RPF1: variants seen among roughly 807,000 people sequenced by gnomAD.
The protein encoded by RPF1 is ribosome production factor 1 homolog, also known as ribosome production factor 1.
A neutral mutation model predicts 41.9 loss-of-function variants in RPF1; 34 were observed. That is an observed-to-expected ratio of 0.81 (90% CI 0.62 to 1.08). RPF1 has a LOEUF of 1.08. Ranked by LOEUF, RPF1 falls within the 50% of genes least tolerant of loss-of-function variation. RPF1 has a pLI of 0.00. For missense variants in RPF1, 425 were observed against 435.2 expected, an observed-to-expected ratio of 0.98 and a Z score of 0.21; for synonymous variants, 140 against 148.9, an observed-to-expected ratio of 0.94 and a Z score of 0.43.
At chr1:84,485,165 C>A (rs1570346586) in intron 3 of RPF1, among the ~76,000 whole-genome samples, 1 of 152,258 alleles carries the variant, frequency 6.6e-6, no homozygotes, top group South Asian at 2.1e-4. Flanking sequence ...AGTGCAGTGG[C>A]ACAATCTCTG....
chr1:84,497,248 C>T (rs1375971529), intron 8 of RPF1, among the ~76,000 whole-genome samples, 181 bp from the exon 9 acceptor site: 2 of 151,594 alleles, frequency 1.3e-5, no homozygotes, highest in Admixed American at 6.6e-5. Flanking sequence ...CACACAGTAA[C>T]TGCCAACATC....
At chr1:84,483,244 T>G (rs1232770927) in intron 3 of RPF1, 1 of 445,918 alleles carries the variant, frequency 2.2e-6, no homozygotes, top group Non-Finnish European at 4.0e-6. Flanking sequence ...CTGAATGGTA[T>G]TTTGGAGGGT....
At chr1:84,492,990 A>G (rs989041919) in intron 5 of RPF1, among the ~76,000 whole-genome samples, 2 of 152,206 alleles carry the variant, frequency 1.3e-5, no homozygotes, top group African/African-American at 2.4e-5. Context: ...CATTACTGAA[A>G]TAGGCATGAT....
At chr1:84,496,447 G>C in intron 8 of RPF1, 77 bp downstream of exon 8, 1 of 1,282,604 alleles carries the variant, frequency 7.8e-7, no homozygotes, top group Non-Finnish European at 1.1e-6. Flanking sequence ...GAGAGCATCA[G>C]GAATAGCTAA....
intron 7 of RPF1, 69 bp from the exon 8 acceptor site, chr1:84,496,175 C>G (rs565891899): frequency 4.0e-6 from 6 of 1,505,696 alleles, no homozygotes; most frequent in African/African-American, 1.4e-5. Context: ...AATGAATTAT[C>G]TTTTGAACCC....
At chr1:84,493,330 A>G (rs1158117946) in intron 5 of RPF1, among the ~76,000 whole-genome samples, 1 of 130,006 alleles carries the variant, frequency 7.7e-6, no homozygotes, top group Non-Finnish European at 1.6e-5. Flanking sequence ...AGGCACTACT[A>G]TCAAAAAAAA....
chr1:84,487,850 C>T (rs1289412153), intron 3 of RPF1, among the ~76,000 whole-genome samples: 1 of 152,072 alleles, frequency 6.6e-6, no homozygotes, highest in Admixed American at 6.6e-5. Flanking sequence ...TGTACTCTTA[C>T]AATTCTGTGT....
chr1:84,482,321 C>A (rs1044207420), intron 2 of RPF1, among the ~76,000 whole-genome samples: 1 of 152,072 alleles, frequency 6.6e-6, no homozygotes, highest in Non-Finnish European at 1.5e-5. Context: ...AACAGTATTC[C>A]ATAATGTTGA....
chr1:84,493,559 C>T (rs1415311191), intron 5 of RPF1, among the ~76,000 whole-genome samples: 1 of 149,512 alleles, frequency 6.7e-6, no homozygotes, highest in Non-Finnish European at 1.5e-5. Context: ...CATTGCACTT[C>T]AGCCTGGGCT....
chr1:84,488,998 G>A (rs1445458925), intron 3 of RPF1, among the ~76,000 whole-genome samples: 1 of 151,720 alleles, frequency 6.6e-6, no homozygotes, highest in Non-Finnish European at 1.5e-5. Context: ...TATTCTCTTA[G>A]TCTTTTCTGA....
intron 5 of RPF1, among the ~76,000 whole-genome samples, chr1:84,492,761 C>T (rs1681858665): frequency 6.6e-6 from 1 of 152,176 alleles, no homozygotes; most frequent in South Asian, 2.1e-4. Flanking sequence ...ACACTCTTGG[C>T]AGCTTCCAAG....
chr1:84,488,811 T>G (rs1681780711), intron 3 of RPF1, among the ~76,000 whole-genome samples: 1 of 152,154 alleles, frequency 6.6e-6, no homozygotes, highest in Non-Finnish European at 1.5e-5. Context: ...GAGGTGATTA[T>G]GTGGCTTTTC....
chr1:84,485,253 C>T (rs1479036950), intron 3 of RPF1, among the ~76,000 whole-genome samples: 1 of 152,042 alleles, frequency 6.6e-6, no homozygotes, highest in East Asian at 1.9e-4. Flanking sequence ...CTCACACTGC[C>T]ACACCCAGCT....
rs548206394 is a variant in RPF1, at chr1:84,495,750, T to C, written c.700-132T>C. 2.3e-4 allele frequency: 137 copies of C among 597,712 alleles called. No homozygotes were observed. In the African/African-American group the frequency reaches 2.4e-3, roughly 11 times the overall value. 37.0% of individuals were successfully genotyped at this position (597,712 alleles called of 1,614,324 possible). A position where few individuals can be genotyped will look rare whatever the true frequency, so the allele number is the denominator to read the frequency against. On this transcript the variant is annotated intron_variant, in intron 6 of 8. Transcript: ENST00000370654. ...CTTATTTCATGGGTTTGATAAGCCATCTGTGGTAGTTTGTCACTAAAAAAT... is the reference window on the plus strand; with the variant it reads ...CTTATTTCATGGGTTTGATAAGCCACCTGTGGTAGTTTGTCACTAAAAAAT...
In RPF1 at chr1:84,497,501, G is replaced by T; in HGVS notation, c.*31G>T. On this transcript the variant is annotated 3_prime_UTR_variant, in exon 9 of 9. Coordinates refer to ENST00000370654, the MANE Select transcript of RPF1 (RefSeq NM_025065.7). The stretch of plus-strand genomic sequence containing the variant: ...TGAGAGAATGATATTGGATTTTGCT[G>T]AACAGGCCTATCTTGAACTTTGGTA... 6.6e-7 allele frequency: 1 copy of T among 1,522,750 alleles called. No individual in the cohort carries two copies. Among genetic ancestry groups the T allele is most frequent in the Non-Finnish European group, 9.0e-7 (1 of 1,105,224 alleles). The allele number at this position is 1,522,750 out of a possible 1,614,324, so 94.3% of individuals were successfully genotyped here. A position where few individuals can be genotyped will look rare whatever the true frequency, so the allele number is the denominator to read the frequency against.
At chr1:84,484,942 G>A (rs1285763664) in intron 3 of RPF1, among the ~76,000 whole-genome samples, 1 of 152,082 alleles carries the variant, frequency 6.6e-6, no homozygotes, top group Non-Finnish European at 1.5e-5. Flanking sequence ...AAAGTGCTGG[G>A]ATTACGGGCG....
chr1:84,487,535 T>G (rs1681757384), intron 3 of RPF1, among the ~76,000 whole-genome samples: 2 of 152,174 alleles, frequency 1.3e-5, no homozygotes, highest in South Asian at 4.1e-4. Flanking sequence ...AATCTTCCAA[T>G]TCATGAATTC....
intron 4 of RPF1, 29 bp from the exon 5 acceptor site, chr1:84,490,290 T>C: frequency 2.0e-6 from 3 of 1,476,852 alleles, no homozygotes; most frequent in Non-Finnish European, 2.7e-6. Flanking sequence ...TTGAAAACTA[T>C]TCAAAATTTT....
rs72948448 is a variant in RPF1, at chr1:84,496,190, A to G, written c.882-54A>G. The G allele has an allele frequency of 7.1e-3, 10,913 of 1,545,696 alleles. 647 individuals are homozygous for G. In the African/African-American group the frequency reaches 0.13, roughly 18 times the overall value. On this transcript the variant is annotated intron_variant, in intron 7 of 8. Transcript: ENST00000370654. ...AATGAATTATCTTTTGAACCCTGTC[A>G]TAATGTTAAACAATAGCTCATTCAG...
Sources: allele counts gnomAD v4.1 joint callset (sites outside exome capture counted in the v4.1 genomes callset), GRCh38; gene constraint gnomAD v4.1.1; transcripts MANE v1.5; gene names NCBI Gene and HGNC (gene_info 2026-07-23, HGNC 2026-07-21).